The following PARD3 variants were observed in gnomAD, a reference collection of about 807,000 sequenced individuals.
PARD3 encodes par-3 family cell polarity regulator, also known as partitioning defective 3 homolog.
A neutral mutation model predicts 155.4 loss-of-function variants in PARD3; 75 were observed. The observed-to-expected ratio is 0.48, with a 90% CI of 0.40 to 0.58. The LOEUF is 0.58. PARD3 is among the 20% of genes least tolerant of loss of function. The pLI, the probability that PARD3 is intolerant of heterozygous loss-of-function variation, is 0.00. For synonymous variants in PARD3, 576 were observed against 610.5 expected (o/e 0.94, Z 0.83); for missense variants, 1,642 against 1,721.7 (o/e 0.95, Z 0.82).
intron 21 of PARD3, among the ~76,000 whole-genome samples, chr10:34,283,480 G>C (rs758593683): frequency 6.6e-6 from 1 of 152,072 alleles, no homozygotes; most frequent in African/African-American, 2.4e-5. Flanking sequence ...TTAGAAAAAC[G>C]GTTTTCGAGT....
At chr10:34,672,576 G>C (rs2093628493) in intron 2 of PARD3, among the ~76,000 whole-genome samples, 1 of 152,204 alleles carries the variant, frequency 6.6e-6, no homozygotes, top group Non-Finnish European at 1.5e-5. Flanking sequence ...CCAGCACTTT[G>C]AGAGGCCAAG....
chr10:34,167,290 G>A (rs750992781), intron 22 of PARD3, among the ~76,000 whole-genome samples: 1 of 152,156 alleles, frequency 6.6e-6, no homozygotes, highest in Non-Finnish European at 1.5e-5. Flanking sequence ...GGGTCACTGT[G>A]AACATCAACC....
rs199689029 is a variant in PARD3 at position 34,382,810 on chromosome 10, A to G, written c.1129T>C (p.Tyr377His). 52 of 1,614,030 alleles carry G rather than the reference A, an allele frequency of 3.2e-5. No homozygotes were observed. The highest frequency in any genetic ancestry group is 1.6e-4 in the Middle Eastern group (1 of 6,084). The part of the protein sequence containing the change: ...EQLSQSEKNN[Y>H]YSSRFSPDSQ... ...TCAGGGCTAAAACGGCTTGAATAGT[A>G]ATTGTTCTTCTCACTTTGGGATAGT... Residue 377 changes from tyrosine to histidine, a missense_variant, in exon 9 of 25, where the codon TAC (tyrosine) becomes CAC (histidine). Physicochemically the swap from Tyr to His is moderately conservative, Grantham distance 83. Coordinates refer to ENST00000374788, the MANE Select transcript of PARD3 (RefSeq NM_001184785.2).
chr10:34,214,668 A>T (rs923581640), intron 22 of PARD3, among the ~76,000 whole-genome samples: 211 of 152,286 alleles, frequency 1.4e-3, no homozygotes, highest in African/African-American at 3.0e-3. Flanking sequence ...AATAAAAAAA[A>T]ATATATTATT....
At chr10:34,432,369 CACACACAG>C (rs1023918513) in intron 5 of PARD3, among the ~76,000 whole-genome samples, 3 of 137,256 alleles carry the variant, frequency 2.2e-5, no homozygotes, top group Non-Finnish European at 3.3e-5. Flanking sequence ...CACACACACA[CACACACAG>C]AGGAGTAAAG....
intron 1 of PARD3, among the ~76,000 whole-genome samples, chr10:34,804,622 CAT>C (rs1227971579): frequency 2.0e-5 from 3 of 152,326 alleles, no homozygotes; most frequent in East Asian, 1.9e-4. Flanking sequence ...ATAAATGACA[CAT>C]GTTAAATGCC....
At chr10:34,672,868 T>C (rs2093634086) in intron 2 of PARD3, among the ~76,000 whole-genome samples, 1 of 152,242 alleles carries the variant, frequency 6.6e-6, no homozygotes. Context: ...AAAAATTCTA[T>C]CTGGAGTAAG....
intron 4 of PARD3, among the ~76,000 whole-genome samples, chr10:34,468,863 A>G (rs2133058981): frequency 6.6e-6 from 1 of 152,370 alleles, no homozygotes; most frequent in African/African-American, 2.4e-5. Context: ...TATGCAAAGA[A>G]TAAATCAAGC....
chr10:34,359,957 G>T, intron 13 of PARD3, 114 bp downstream of exon 13: 1 of 743,200 alleles, frequency 1.3e-6, no homozygotes, highest in Non-Finnish European at 2.3e-6. Context: ...GTGAATGTGG[G>T]TACCATAAAG....
At chr10:34,467,745 C>CTAAATAAA (rs373700816) in intron 4 of PARD3, among the ~76,000 whole-genome samples, 1 of 151,888 alleles carries the variant, frequency 6.6e-6, no homozygotes, top group African/African-American at 2.4e-5. Context: ...GACCCCATCT[C>CTAAATAAA]TAAATAAATA....
chr10:34,504,444 AAG>A (rs1554879979), intron 3 of PARD3, among the ~76,000 whole-genome samples: 1 of 151,768 alleles, frequency 6.6e-6, no homozygotes, highest in East Asian at 1.9e-4. Flanking sequence ...AAAAAAAAAA[AAG>A]AAAAGTATTT....
intron 22 of PARD3, among the ~76,000 whole-genome samples, chr10:34,178,580 A>G (rs186000273): frequency 8.5e-5 from 13 of 152,266 alleles, no homozygotes; most frequent in African/African-American, 2.9e-4. Flanking sequence ...ATCCTCCTCA[A>G]AATAGCTCCT....
chr10:34,746,876 A>AC (rs757630679), intron 1 of PARD3, among the ~76,000 whole-genome samples: 7 of 152,208 alleles, frequency 4.6e-5, no homozygotes, highest in Non-Finnish European at 8.8e-5. Context: ...CAGCTGGAGA[A>AC]CAATCTTTCA....
intron 2 of PARD3, among the ~76,000 whole-genome samples, chr10:34,611,807 C>CTTTTT (rs397829689): frequency 8.0e-4 from 87 of 109,210 alleles, no homozygotes; most frequent in Non-Finnish European, 1.1e-3. Context: ...ACATTTCTTT[C>CTTTTT]TTTTTTTTTT....
chr10:34,733,315 G>C (rs1334816535), intron 1 of PARD3, among the ~76,000 whole-genome samples: 1 of 152,106 alleles, frequency 6.6e-6, no homozygotes, highest in African/African-American at 2.4e-5. Context: ...AGAATGTGTT[G>C]AAAGTCCCTT....
intron 5 of PARD3, among the ~76,000 whole-genome samples, chr10:34,444,738 T>A (rs1266587142): frequency 5.9e-5 from 9 of 152,214 alleles, no homozygotes. Flanking sequence ...GAAAGAAGAT[T>A]CACTATCCCC....
intron 5 of PARD3, among the ~76,000 whole-genome samples, chr10:34,429,075 T>A (rs2075768228): frequency 6.6e-6 from 1 of 152,198 alleles, no homozygotes; most frequent in African/African-American, 2.4e-5. Flanking sequence ...GAATTCACAT[T>A]GAAAACATCA....
chr10:34,252,714 GTATA>G (rs1479133650), intron 22 of PARD3, among the ~76,000 whole-genome samples: 1 of 151,708 alleles, frequency 6.6e-6, no homozygotes, highest in East Asian at 1.9e-4. Context: ...TTATGTGTGT[GTATA>G]TATATAACTT....
At chr10:34,809,157 A>G (rs1211907897) in intron 1 of PARD3, among the ~76,000 whole-genome samples, 1 of 152,210 alleles carries the variant, frequency 6.6e-6, no homozygotes, top group South Asian at 2.1e-4. Context: ...CAAACACACC[A>G]AACCTTAAAG....
Sources: allele counts gnomAD v4.1 joint callset (sites outside exome capture counted in the v4.1 genomes callset), GRCh38; gene constraint gnomAD v4.1.1; transcripts MANE v1.5; gene names NCBI Gene and HGNC (gene_info 2026-07-23, HGNC 2026-07-21).